The following RASGRF2 variants were observed in gnomAD, a reference collection of about 807,000 sequenced individuals.
The protein encoded by RASGRF2 is Ras protein specific guanine nucleotide releasing factor 2.
A neutral mutation model predicts 151.0 loss-of-function variants in RASGRF2; 76 were observed. The ratio of observed to expected loss-of-function variants is 0.50; its 90% CI spans 0.42 to 0.61. The LOEUF is 0.61. Ranked by LOEUF, RASGRF2 falls within the 20% of genes least tolerant of loss-of-function variation. The probability of loss-of-function intolerance (pLI) is 0.00; values close to 1 mark genes in which losing one functional copy is unlikely to be tolerated. For missense variants in RASGRF2, 1,148 were observed against 1,564.6 expected (o/e 0.73, Z 4.49); for synonymous variants, 504 against 566.5 (o/e 0.89, Z 1.57).
intron 12 of RASGRF2, among the ~76,000 whole-genome samples, chr5:81,101,875 T>C (rs1752707488): frequency 6.6e-6 from 1 of 152,210 alleles, no homozygotes; most frequent in South Asian, 2.1e-4. Flanking sequence ...CAGAAAGATT[T>C]ATGAATGAGA....
chr5:81,053,588 G>A (rs566762158), intron 2 of RASGRF2, among the ~76,000 whole-genome samples: 7 of 152,164 alleles, frequency 4.6e-5, no homozygotes, highest in African/African-American at 1.2e-4. Flanking sequence ...ATAAACATAC[G>A]TGTGCATGTG....
At chr5:81,034,240 C>T (rs1177230343) in intron 1 of RASGRF2, among the ~76,000 whole-genome samples, 1 of 152,148 alleles carries the variant, frequency 6.6e-6, no homozygotes, top group Non-Finnish European at 1.5e-5. Context: ...AAATCAAAAC[C>T]ACAATGAGAT....
At chr5:81,221,277 C>A (rs568522558) in intron 26 of RASGRF2, among the ~76,000 whole-genome samples, 63 of 152,232 alleles carry the variant, frequency 4.1e-4, no homozygotes, top group African/African-American at 1.5e-3. Flanking sequence ...ATGCCTGCCT[C>A]TCCTTGAGAG....
At chr5:81,116,497 TAG>T (rs1331925497) in intron 15 of RASGRF2, among the ~76,000 whole-genome samples, 2 of 152,194 alleles carry the variant, frequency 1.3e-5, no homozygotes, top group African/African-American at 4.8e-5. Context: ...GTAGTCCTCT[TAG>T]GGCTTTCTAG....
At chr5:81,161,818 A>G (rs1434692537) in intron 17 of RASGRF2, among the ~76,000 whole-genome samples, 2 of 152,120 alleles carry the variant, frequency 1.3e-5, no homozygotes, top group Non-Finnish European at 2.9e-5. Flanking sequence ...ATTAATATAA[A>G]CATTGTTGGC....
chr5:80,968,302 G>A (rs982974425), intron 1 of RASGRF2, among the ~76,000 whole-genome samples: 8 of 152,012 alleles, frequency 5.3e-5, no homozygotes, highest in Non-Finnish European at 1.5e-5. Flanking sequence ...TCATCCTCCA[G>A]CTTCAACATC....
chr5:81,048,982 GCAGCTCTTCCTCTCTC>G (rs1241416240), intron 2 of RASGRF2, among the ~76,000 whole-genome samples: 1 of 151,904 alleles, frequency 6.6e-6, no homozygotes, highest in African/African-American at 2.4e-5. Flanking sequence ...TCCTAGGCAC[GCAGCTCTTCCTCTCTC>G]CAGCTCTTCC....
intron 22 of RASGRF2, among the ~76,000 whole-genome samples, chr5:81,210,469 C>T (rs1755606480): frequency 6.6e-6 from 1 of 152,176 alleles, no homozygotes; most frequent in Non-Finnish European, 1.5e-5. Flanking sequence ...AAGTGATGGC[C>T]TTCCGTGTTA....
chr5:81,176,006 G>T (rs1021167529), intron 17 of RASGRF2, among the ~76,000 whole-genome samples: 19 of 152,118 alleles, frequency 1.2e-4, no homozygotes, highest in Admixed American at 5.2e-4. Flanking sequence ...GTAAAAGGGG[G>T]TGCTGTATAC....
chr5:81,057,823 C>G lies in RASGRF2; in HGVS notation c.396-10209C>G, dbSNP rs1057452019. 2.6e-5 allele frequency among the ~76,000 whole-genome samples: 4 copies of G among 152,002 alleles called. No individual in the cohort carries two copies. In the South Asian group the frequency reaches 6.2e-4, roughly 24 times the overall value. ...CAGCCTGGGGAACATAGTGAGACCT[C>G]GTCTCCACAAAACAATCAAAAAATT... On this transcript the variant is annotated intron_variant, in intron 2 of 26. Transcript: ENST00000265080.
intron 12 of RASGRF2, among the ~76,000 whole-genome samples, chr5:81,101,648 C>CTCCA (rs1017216602): frequency 1.3e-5 from 2 of 152,132 alleles, no homozygotes; most frequent in African/African-American, 4.8e-5. Flanking sequence ...CTCTCTCTCT[C>CTCCA]TCCATCCATG....
rs1372271831 is a variant in RASGRF2, at chr5:80,960,727, C to T, written c.-12C>T. 3 of 1,534,796 alleles carry T rather than the reference C, an allele frequency of 2.0e-6. No individual in the cohort carries two copies. Among genetic ancestry groups the T allele is most frequent in the African/African-American group, 2.7e-5 (2 of 73,078 alleles). Reference sequence around the variant, plus strand: ...GACCGGCGGCCACCCGTGAGCCCTCCGCACCCGCACCATGCAGAAGAGCGT... The same window carrying T: ...GACCGGCGGCCACCCGTGAGCCCTCTGCACCCGCACCATGCAGAAGAGCGT... On this transcript the variant is annotated 5_prime_UTR_variant, in exon 1 of 27. Coordinates refer to ENST00000265080, the MANE Select transcript of RASGRF2 (RefSeq NM_006909.3). The surrounding 1 kb of genome is among the most constrained non-coding windows in gnomAD (Gnocchi z 5.5).
chr5:81,182,667 C>T lies in RASGRF2; in HGVS notation c.2793+2386C>T, dbSNP rs890995007. Among the ~76,000 whole-genome samples, 8 of 152,222 alleles carry T rather than the reference C, an allele frequency of 5.3e-5. No individual in the cohort carries two copies. In the South Asian group the frequency reaches 8.3e-4, roughly 16 times the overall value. ...TTCGAATAGACAGAGCTGCTCTCAG[C>T]TCACACAGTCTTCGGGCCTCATTGT... On this transcript the variant is annotated intron_variant, in intron 18 of 26. Coordinates refer to ENST00000265080, the MANE Select transcript of RASGRF2 (RefSeq NM_006909.3).
chr5:81,149,615 A>C (rs1182613110), intron 17 of RASGRF2, among the ~76,000 whole-genome samples: 1 of 151,806 alleles, frequency 6.6e-6, no homozygotes, highest in Non-Finnish European at 1.5e-5. Context: ...GAAACTGTTG[A>C]AATAAAATTT....
intron 1 of RASGRF2, among the ~76,000 whole-genome samples, chr5:80,965,811 G>A (rs1161164196): frequency 6.6e-6 from 1 of 152,138 alleles, no homozygotes; most frequent in Non-Finnish European, 1.5e-5. Context: ...TAAAACAATT[G>A]CTGATATTGC....
At chr5:81,003,378 A>G (rs950382805) in intron 1 of RASGRF2, among the ~76,000 whole-genome samples, 3 of 152,050 alleles carry the variant, frequency 2.0e-5, no homozygotes, top group South Asian at 2.1e-4. Flanking sequence ...GCCCACCACC[A>G]CGCCCACCTA....
At chr5:80,991,184 T>C (rs1748638701) in intron 1 of RASGRF2, among the ~76,000 whole-genome samples, 1 of 152,204 alleles carries the variant, frequency 6.6e-6, no homozygotes, top group African/African-American at 2.4e-5. Flanking sequence ...GACTCATGTC[T>C]GTAATCCCAG....
chr5:80,989,073 A>G (rs1748567169), intron 1 of RASGRF2, among the ~76,000 whole-genome samples: 1 of 151,192 alleles, frequency 6.6e-6, no homozygotes. Flanking sequence ...CACCTCCGGG[A>G]TTCAAATGAT....
At chr5:81,167,446 A>G (rs1039824552) in intron 17 of RASGRF2, among the ~76,000 whole-genome samples, 4 of 152,250 alleles carry the variant, frequency 2.6e-5, no homozygotes, top group Non-Finnish European at 1.5e-5. Flanking sequence ...GCAATCATCA[A>G]TCAGTCAGTT....
Sources: gnomAD v4.1 joint callset for allele counts (sites outside exome capture counted in the v4.1 genomes callset) on GRCh38, gnomAD v4.1.1 for gene constraint, Gnocchi (gnomAD v3.1) non-coding constraint, MANE v1.5 for transcripts, NCBI Gene and HGNC (gene_info 2026-07-23, HGNC 2026-07-21) for gene names.